The following C1QTNF3 variants were observed in gnomAD, a reference collection of about 807,000 sequenced individuals.
C1QTNF3 encodes complement C1q tumor necrosis factor-related protein 3.
Under a neutral mutation model 32.6 loss-of-function variants are expected in C1QTNF3, and 26 were observed. That is an observed-to-expected ratio of 0.80 (90% CI 0.58 to 1.11). The LOEUF (loss-of-function observed/expected upper bound fraction) is 1.11, where lower values mean the gene tolerates loss of function less well. C1QTNF3 is among the 50% of genes least tolerant of loss of function. The pLI, the probability that C1QTNF3 is intolerant of heterozygous loss-of-function variation, is 0.00. For missense variants in C1QTNF3, 362 were observed against 398.2 expected, an observed-to-expected ratio of 0.91 and a Z score of 0.77; for synonymous variants, 155 against 146.0, an observed-to-expected ratio of 1.06 and a Z score of -0.44.
chr5:34,070,618 T>A, the C1QTNF3 span, among the ~76,000 whole-genome samples: 2 of 152,142 alleles, frequency 1.3e-5, no homozygotes, highest in Non-Finnish European at 2.9e-5. Context: ...TGTACCATTA[T>A]GTACTACATA....
chr5:34,126,556 A>C, the C1QTNF3 span, among the ~76,000 whole-genome samples: 3 of 143,052 alleles, frequency 2.1e-5, no homozygotes, highest in Admixed American at 2.2e-4. Flanking sequence ...AAGAAGCTAA[A>C]AATTAAATTA....
the C1QTNF3 span, among the ~76,000 whole-genome samples, chr5:34,197,925 G>T: frequency 6.6e-6 from 1 of 151,714 alleles, no homozygotes. Context: ...ACGCTTTTTG[G>T]GGTCTCTTTT....
the C1QTNF3 span, among the ~76,000 whole-genome samples, chr5:34,222,068 T>A: frequency 6.6e-6 from 1 of 152,078 alleles, no homozygotes; most frequent in Admixed American, 6.6e-5. Context: ...TTATAGATAT[T>A]TCGCTTGTGG....
chr5:34,068,959 C>T, the C1QTNF3 span, among the ~76,000 whole-genome samples: 1 of 151,366 alleles, frequency 6.6e-6, no homozygotes, highest in East Asian at 1.9e-4. Context: ...ATTTAATCCC[C>T]TGCAAATGTA....
intron 1 of C1QTNF3, 27 bp from the exon 2 acceptor site, chr5:34,035,785 GA>G (rs1219509500): frequency 9.6e-6 from 15 of 1,557,230 alleles, no homozygotes; most frequent in Admixed American, 3.5e-5. Context: ...AGAAGCTTCA[GA>G]AAAAAAGGTA....
the C1QTNF3 span, among the ~76,000 whole-genome samples, chr5:34,141,527 G>A: frequency 1.3e-5 from 2 of 152,072 alleles, no homozygotes; most frequent in Admixed American, 6.6e-5. Flanking sequence ...CTTTGCCAAC[G>A]CTTGTGCTAT....
chr5:34,158,490 C>T, the C1QTNF3 span: 1 of 152,252 alleles, frequency 6.6e-6, no homozygotes, highest in South Asian at 2.1e-4. Flanking sequence ...CAAACCTTGC[C>T]TATATGGAAT....
At chr5:34,113,474 C>T in the C1QTNF3 span, among the ~76,000 whole-genome samples, 1 of 151,910 alleles carries the variant, frequency 6.6e-6, no homozygotes, top group African/African-American at 2.4e-5. Context: ...TCATTTTTAA[C>T]CTTCTATTGT....
the C1QTNF3 span, among the ~76,000 whole-genome samples, chr5:34,222,428 CATAA>C: frequency 1.3e-5 from 2 of 150,994 alleles, no homozygotes; most frequent in African/African-American, 2.4e-5. Flanking sequence ...ATAACCAAGG[CATAA>C]ATATTCAATT....
the C1QTNF3 span, among the ~76,000 whole-genome samples, chr5:34,222,290 A>G: frequency 1.1e-4 from 16 of 152,144 alleles, no homozygotes; most frequent in Admixed American, 5.9e-4. Context: ...GTTTTCTCCT[A>G]TGATTACATA....
At chr5:34,222,383 AATG>A in the C1QTNF3 span, among the ~76,000 whole-genome samples, 1 of 151,866 alleles carries the variant, frequency 6.6e-6, no homozygotes, top group Middle Eastern at 3.2e-3. Context: ...AGACAATAAT[AATG>A]GAGTTTCTTT....
the C1QTNF3 span, among the ~76,000 whole-genome samples, chr5:34,214,803 A>C: frequency 2.8e-4 from 42 of 152,290 alleles, no homozygotes; most frequent in African/African-American, 9.4e-4. Flanking sequence ...TATAACTTAA[A>C]GAGATATTAT....
At chr5:34,154,157 TGAA>T in the C1QTNF3 span, among the ~76,000 whole-genome samples, 6 of 152,304 alleles carry the variant, frequency 3.9e-5, no homozygotes, top group African/African-American at 1.4e-4. Context: ...GCATTTATTG[TGAA>T]GTAGTAGTAA....
chr5:34,129,770 T>C, the C1QTNF3 span, among the ~76,000 whole-genome samples: 13 of 151,880 alleles, frequency 8.6e-5, no homozygotes, highest in Non-Finnish European at 1.6e-4. Flanking sequence ...CTATTGGGTC[T>C]TCTAATAACA....
At chr5:34,157,638 TAGA>T in the C1QTNF3 span, among the ~76,000 whole-genome samples, 1 of 152,170 alleles carries the variant, frequency 6.6e-6, no homozygotes, top group African/African-American at 2.4e-5. Context: ...GATGTGACTA[TAGA>T]AGAATGATCA....
the C1QTNF3 span, among the ~76,000 whole-genome samples, chr5:34,119,565 A>C: frequency 2.6e-5 from 4 of 152,152 alleles, no homozygotes; most frequent in African/African-American, 7.2e-5. Flanking sequence ...ATGACCTTAC[A>C]GATCTGGAAG....
the C1QTNF3 span, among the ~76,000 whole-genome samples, chr5:34,219,378 T>C: frequency 2.6e-5 from 4 of 151,728 alleles, no homozygotes; most frequent in Non-Finnish European, 5.9e-5. Context: ...GTTTCCCAAA[T>C]GCCTGTTGCA....
At chr5:34,155,421 C>G in the C1QTNF3 span, among the ~76,000 whole-genome samples, 2 of 152,162 alleles carry the variant, frequency 1.3e-5, no homozygotes, top group African/African-American at 4.8e-5. Flanking sequence ...TCTGAAGTGA[C>G]TAGTAAATTG....
chr5:34,237,537 C>CT, the C1QTNF3 span, among the ~76,000 whole-genome samples: 4 of 152,094 alleles, frequency 2.6e-5, no homozygotes, highest in Non-Finnish European at 1.5e-5. Context: ...GTTACAAAGT[C>CT]TATCAAAGAG....
Sources: allele counts gnomAD v4.1 joint callset (sites outside exome capture counted in the v4.1 genomes callset), GRCh38; gene constraint gnomAD v4.1.1; transcripts MANE v1.5; gene names NCBI Gene and HGNC (gene_info 2026-07-23, HGNC 2026-07-21).